SERPINB1: variants seen among roughly 807,000 people sequenced by gnomAD.
SERPINB1 encodes the protein leukocyte elastase inhibitor.
SERPINB1 carries 23 observed loss-of-function variants against 25.9 expected under a neutral mutation model. The observed-to-expected ratio is 0.89, with a 90% CI of 0.64 to 1.26. The LOEUF is 1.26. SERPINB1 is among the 50% of genes most tolerant of loss of function. The probability of loss-of-function intolerance (pLI) is 0.00; values close to 1 mark genes in which losing one functional copy is unlikely to be tolerated. For synonymous variants in SERPINB1, 178 were observed against 178.7 expected, an observed-to-expected ratio of 1.00 and a Z score of 0.03; for missense variants, 399 against 463.6, an observed-to-expected ratio of 0.86 and a Z score of 1.28.
chr6:2,835,765 G>A, intron 6 of SERPINB1, 91 bp downstream of exon 6: 4 of 1,358,652 alleles, frequency 2.9e-6, no homozygotes, highest in Non-Finnish European at 4.0e-6. Flanking sequence ...ACTGGAAAAT[G>A]CACCATCAGT....
chr6:2,834,484 A>AC (rs1364696336), intron 6 of SERPINB1, among the ~76,000 whole-genome samples: 34 of 149,946 alleles, frequency 2.3e-4, no homozygotes, highest in South Asian at 4.2e-4. Flanking sequence ...CCACCCACCC[A>AC]CCCATCCAAC....
Position 2,837,682 on chromosome 6 carries a change from T to C in SERPINB1, c.424+200A>G, listed in dbSNP as rs867096905. Among the ~76,000 whole-genome samples, 1 of 152,264 alleles carries C rather than the reference T, an allele frequency of 6.6e-6. No homozygotes were observed. Among genetic ancestry groups the C allele is most frequent in the Non-Finnish European group, 1.5e-5 (1 of 68,044 alleles). ...TTAAATCATGTTTAAGTTTCCACTC[T>C]GGTGAACTTCGAACATGTGAGAGCT... On this transcript the variant is annotated intron_variant, in intron 4 of 6. Transcript: ENST00000380739. The surrounding 1 kb of genome is among the most constrained non-coding windows in gnomAD (Gnocchi z 4.3).
In SERPINB1 at chr6:2,836,296, C is replaced by G. The variant is rs774483141; in HGVS notation, c.425-46G>C. On this transcript the variant is annotated intron_variant, in intron 4 of 6. Coordinates refer to ENST00000380739, the MANE Select transcript of SERPINB1 (RefSeq NM_030666.4). Reference sequence around the variant, plus strand: ...CGTAAAAAAAATCCAAATCGGAATTCCAAATTTGAACTGACAATATATTAG... The same window carrying G: ...CGTAAAAAAAATCCAAATCGGAATTGCAAATTTGAACTGACAATATATTAG... 2.6e-6 allele frequency: 4 copies of G among 1,558,558 alleles called. No individual in the cohort carries two copies. In the South Asian group the frequency reaches 4.8e-5, roughly 19 times the overall value.
In SERPINB1 at chr6:2,836,257, A is replaced by G. The variant is rs562746472; in HGVS notation, c.425-7T>C. On this transcript the variant is annotated splice_region_variant and splice_polypyrimidine_tract_variant and intron_variant, in intron 4 of 6. Transcript: ENST00000380739. ...AACAGTTCCGGAATTTTTCCTAAAA[A>G]AAAATCAAGTTAGCGTAAAAAAAAT... The G allele has an allele frequency of 1.6e-5, 25 of 1,587,710 alleles. No individual in the cohort carries two copies. The South Asian group carries it at 2.8e-4, about 18-fold the overall frequency.
At position 2,841,753 on chromosome 6, in the gene SERPINB1, G is replaced by C. The variant is rs985775781; in HGVS notation, c.-9+59C>G. ...GGGTGCCGGGCTGGAAGCTGAGCGA[G>C]GGAGCCTGGCCTCTCCCCGCGCCCG... On this transcript the variant is annotated intron_variant, in intron 1 of 6. Coordinates refer to ENST00000380739, the MANE Select transcript of SERPINB1 (RefSeq NM_030666.4). The surrounding 1 kb of genome is among the most constrained non-coding windows in gnomAD (Gnocchi z 4.5). The C allele has an allele frequency of 6.6e-6, 1 of 151,890 alleles. No individual in the cohort carries two copies. Among genetic ancestry groups the C allele is most frequent in the East Asian group, 1.9e-4 (1 of 5,162 alleles). The allele number at this position is 151,890 out of a possible 1,614,324, so 9.4% of individuals were successfully genotyped here. A position where few individuals can be genotyped will look rare whatever the true frequency, so the allele number is the denominator to read the frequency against.
rs1490880901 is a variant in SERPINB1, at chr6:2,840,739, A to G, written c.-8-145T>C. The G allele has an allele frequency of 4.1e-6, 3 of 734,730 alleles. No homozygotes were observed. In the East Asian group the frequency reaches 9.0e-5, roughly 22 times the overall value. The allele number at this position is 734,730 out of a possible 1,614,324, so 45.5% of individuals were successfully genotyped here. ...TACTTTCTCCCCGCTTTTTTATTCCAGCAGGGCAAGAACACTTTCCCAGGC... is the reference window on the plus strand; with the variant it reads ...TACTTTCTCCCCGCTTTTTTATTCCGGCAGGGCAAGAACACTTTCCCAGGC... On this transcript the variant is annotated intron_variant, in intron 1 of 6. Transcript: ENST00000380739.
In SERPINB1 at chr6:2,840,602, A is replaced by G. The variant is rs1280308727; in HGVS notation, c.-8-8T>C. 3.1e-6 allele frequency: 5 copies of G among 1,606,490 alleles called. No individual in the cohort carries two copies. Among genetic ancestry groups the G allele is most frequent in the African/African-American group, 1.3e-5 (1 of 74,592 alleles). On this transcript the variant is annotated splice_polypyrimidine_tract_variant and splice_region_variant and intron_variant, in intron 1 of 6. Transcript: ENST00000380739. The stretch of plus-strand genomic sequence containing the variant: ...GCTGCTCCATGGTGAAAACTGCAAC[A>G]CAGAACAGGGTCCTCATGGTGCCCA...
intron 2 of SERPINB1, chr6:2,839,201 G>C: frequency 2.1e-6 from 1 of 480,898 alleles, no homozygotes; most frequent in Non-Finnish European, 2.7e-6. Flanking sequence ...TAACATTCTG[G>C]CAAAAGTTTA....
Position 2,834,023 on chromosome 6 carries a change from A to T in SERPINB1, c.736-11T>A, listed in dbSNP as rs766668906. The T allele has an allele frequency of 1.3e-6, 2 of 1,576,828 alleles. No individual in the cohort carries two copies. Among genetic ancestry groups the T allele is most frequent in the South Asian group, 1.2e-5 (1 of 86,776 alleles). On this transcript the variant is annotated splice_polypyrimidine_tract_variant and intron_variant, in intron 6 of 6. Coordinates refer to ENST00000380739, the MANE Select transcript of SERPINB1 (RefSeq NM_030666.4). ...CAACTGTTCCTCAATCTGCAATTAA[A>T]AATGAGGCGAAAGAGGAAGTGATAT...
At position 2,840,440 on chromosome 6, in the gene SERPINB1, G is replaced by T; in HGVS notation, c.147C>A (p.Asn49Lys). 6.2e-7 allele frequency: 1 copy of T among 1,614,068 alleles called. No individual in the cohort carries two copies. The change falls in exon 2 of 7, where the codon AAC (asparagine) becomes AAA (lysine). Residue 49 changes from asparagine to lysine, a missense_variant. Coordinates refer to ENST00000380739, the MANE Select transcript of SERPINB1 (RefSeq NM_030666.4). The part of the protein sequence containing the change: ...MAMVFLGTRG[N>K]TAAQLSKTFH... ...TGACCTTGGACAGCTGTGCTGCCGT[G>T]TTACCTCTGGTCCCCAGAAAAACCA...
chr6:2,841,555 T>TCCTC lies in SERPINB1; in HGVS notation c.-9+253_-9+256dup, dbSNP rs1264537667. 2.3e-4 allele frequency: 35 copies of TCCTC among 152,270 alleles called. No individual in the cohort carries two copies. The highest frequency in any genetic ancestry group is 6.0e-4 in the African/African-American group (25 of 41,448). The allele number at this position is 152,270 out of a possible 1,614,324, so 9.4% of individuals were successfully genotyped here. ...TCTTGCCTTCCGCCTGCATCTGTCG[T>TCCTC]CCTCCCTCCCTCCCTCCCTCGCGGG... On this transcript the variant is annotated intron_variant, in intron 1 of 6. Coordinates refer to ENST00000380739, the MANE Select transcript of SERPINB1 (RefSeq NM_030666.4). The surrounding 1 kb of genome is among the most constrained non-coding windows in gnomAD (Gnocchi z 4.5).
rs116471103 is a variant in SERPINB1 at position 2,839,977 on chromosome 6, T to C, written c.168+442A>G. 6.3e-3 allele frequency among the ~76,000 whole-genome samples: 957 copies of C among 152,354 alleles called. 10 individuals are homozygous for C. The highest frequency in any genetic ancestry group is 0.022 in the African/African-American group (929 of 41,578). On this transcript the variant is annotated intron_variant, in intron 2 of 6. Coordinates refer to ENST00000380739, the MANE Select transcript of SERPINB1 (RefSeq NM_030666.4). Reference sequence around the variant, plus strand: ...AGCAATGCCACTATCTCCACTATAATGCATTCCCTATGTCTTATTCCTCTC... The same window carrying C: ...AGCAATGCCACTATCTCCACTATAACGCATTCCCTATGTCTTATTCCTCTC...
Position 2,833,565 on chromosome 6 carries a change from A to G in SERPINB1, c.*43T>C. 6.6e-7 allele frequency: 1 copy of G among 1,520,320 alleles called. No individual in the cohort carries two copies. Among genetic ancestry groups the G allele is most frequent in the Non-Finnish European group, 8.8e-7 (1 of 1,130,240 alleles). The allele number at this position is 1,520,320 out of a possible 1,614,324, so 94.2% of individuals were successfully genotyped here. Reference sequence around the variant, plus strand: ...TGGCTCTATTAAAAACTCAGGTAATAAAGCACTAAGCTTGATTTTTGTATT... The same window carrying G: ...TGGCTCTATTAAAAACTCAGGTAATGAAGCACTAAGCTTGATTTTTGTATT... On this transcript the variant is annotated 3_prime_UTR_variant, in exon 7 of 7. Coordinates refer to ENST00000380739, the MANE Select transcript of SERPINB1 (RefSeq NM_030666.4).
intron 2 of SERPINB1, among the ~76,000 whole-genome samples, chr6:2,839,866 G>A (rs12208607): frequency 0.054 from 8,259 of 152,184 alleles, 336 homozygotes; most frequent in Non-Finnish European, 0.078. Flanking sequence ...CCTGCAGGGC[G>A]TGCTATGCCA....
At chr6:2,836,304 G>T in intron 4 of SERPINB1, 54 bp from the exon 5 acceptor site, 1 of 1,531,228 alleles carries the variant, frequency 6.5e-7, no homozygotes, top group Non-Finnish European at 8.8e-7. Flanking sequence ...TTCCAAATTT[G>T]AACTGACAAT....
At position 2,836,137 on chromosome 6, in the gene SERPINB1, T is replaced by C; in HGVS notation, c.538A>G (p.Thr180Ala). 1 of 1,614,146 alleles carries C rather than the reference T, an allele frequency of 6.2e-7. No homozygotes were observed. The highest frequency in any genetic ancestry group is 2.2e-5 in the East Asian group (1 of 44,892). The change falls in exon 5 of 7, where the codon ACG becomes GCG. Residue 180 changes from threonine (T) to alanine (A), a missense_variant. By Grantham distance (58) the Thr-to-Ala change is moderately conservative. Transcript: ENST00000380739. ...TTCAATCTGAATGGTGCATTCGTCG[T>C]GGCTTCTTTCATGAATTTATCCTTC... ...NWKDKFMKEA[T>A]TNAPFRLNKK...
intron 6 of SERPINB1, among the ~76,000 whole-genome samples, chr6:2,834,715 C>T (rs1766436116): frequency 6.6e-6 from 1 of 152,206 alleles, no homozygotes; most frequent in South Asian, 2.1e-4. Flanking sequence ...CCCACTGAAG[C>T]TGAAGTAATA....
At position 2,839,078 on chromosome 6, in the gene SERPINB1, T is replaced by C. The variant is rs530472904; in HGVS notation, c.169-392A>G. ...AGTTCTCAGAAATAAGCAGTAAAAA[T>C]AGGATTCATCCTCTATTCAGAACCA... On this transcript the variant is annotated intron_variant, in intron 2 of 6. Coordinates refer to ENST00000380739, the MANE Select transcript of SERPINB1 (RefSeq NM_030666.4). Among the ~76,000 whole-genome samples the C allele has an allele frequency of 7.8e-4, 119 of 152,340 alleles. 1 individual carries two copies. Among genetic ancestry groups the C allele is most frequent in the Non-Finnish European group, 1.2e-3 (82 of 68,030 alleles).
chr6:2,833,396 C>G lies in SERPINB1; in HGVS notation c.*212G>C. On this transcript the variant is annotated 3_prime_UTR_variant, in exon 7 of 7. Coordinates refer to ENST00000380739, the MANE Select transcript of SERPINB1 (RefSeq NM_030666.4). ...TACTTGATGCATTCAAAAGCAACCA[C>G]TGGATTTTTTTCAATGTAAAAAAGA... The G allele has an allele frequency of 2.1e-6, 1 of 478,440 alleles. No individual in the cohort carries two copies. Among genetic ancestry groups the G allele is most frequent in the Non-Finnish European group, 3.7e-6 (1 of 273,424 alleles). 29.6% of individuals were successfully genotyped at this position (478,440 alleles called of 1,614,324 possible). A position where few individuals can be genotyped will look rare whatever the true frequency, so the allele number is the denominator to read the frequency against.
Sources: allele counts gnomAD v4.1 joint callset (sites outside exome capture counted in the v4.1 genomes callset), GRCh38; gene constraint gnomAD v4.1.1; non-coding constraint Gnocchi (gnomAD v3.1); transcripts MANE v1.5; gene names NCBI Gene and HGNC (gene_info 2026-07-23, HGNC 2026-07-21).